DENND1A: variants seen among roughly 807,000 people sequenced by gnomAD.
DENND1A encodes the protein DENN domain containing 1A, also known as DENN domain-containing protein 1A.
A neutral mutation model predicts 113.7 loss-of-function variants in DENND1A; 51 were observed. That is an observed-to-expected ratio of 0.45 (90% CI 0.36 to 0.57). The LOEUF (loss-of-function observed/expected upper bound fraction) is 0.57, where lower values mean the gene tolerates loss of function less well. Among genes scored for constraint, DENND1A ranks in the 20% least tolerant of loss-of-function variants. The pLI, the probability that DENND1A is intolerant of heterozygous loss-of-function variation, is 0.00. For missense variants in DENND1A, 1,258 were observed against 1,395.9 expected, an observed-to-expected ratio of 0.90 and a Z score of 1.57; for synonymous variants, 565 against 570.8, an observed-to-expected ratio of 0.99 and a Z score of 0.14.
At chr9:123,644,430 A>G (rs2062198569) in intron 9 of DENND1A, among the ~76,000 whole-genome samples, 1 of 134,852 alleles carries the variant, frequency 7.4e-6, no homozygotes, top group Non-Finnish European at 1.6e-5. Flanking sequence ...ATCAGGTCTT[A>G]TTTTTCACCC....
At chr9:123,737,047 T>A (rs2130987659) in intron 5 of DENND1A, among the ~76,000 whole-genome samples, 1 of 152,362 alleles carries the variant, frequency 6.6e-6, no homozygotes, top group East Asian at 1.9e-4. Flanking sequence ...TCCATTGAAG[T>A]CAATGAGGTG....
intron 8 of DENND1A, among the ~76,000 whole-genome samples, chr9:123,655,265 G>A (rs190651033): frequency 6.6e-6 from 1 of 152,298 alleles, no homozygotes; most frequent in East Asian, 1.9e-4. Context: ...GTTAGGTGAA[G>A]CTGCTTCTCC....
At chr9:123,588,346 C>T (rs559533247) in intron 11 of DENND1A, among the ~76,000 whole-genome samples, 25 of 146,408 alleles carry the variant, frequency 1.7e-4, no homozygotes, top group Non-Finnish European at 3.6e-4. Flanking sequence ...AGGCTGGGCA[C>T]GATGGCTCAC....
At chr9:123,741,365 C>A (rs1406876260) in intron 5 of DENND1A, among the ~76,000 whole-genome samples, 1 of 152,184 alleles carries the variant, frequency 6.6e-6, no homozygotes, top group Non-Finnish European at 1.5e-5. Context: ...ACTAAGCTAG[C>A]TTCCCTACCC....
In DENND1A at chr9:123,478,060, C is replaced by T. The variant is rs552313763; in HGVS notation, c.994-20163G>A. ...CCAAGGCATTTGCTGGTCAGGGTCCCAGATTCTGAGTTTCTAGAACCTGGA... is the reference window on the plus strand; with the variant it reads ...CCAAGGCATTTGCTGGTCAGGGTCCTAGATTCTGAGTTTCTAGAACCTGGA... On this transcript the variant is annotated intron_variant, in intron 13 of 23. Transcript: ENST00000394215. Among the ~76,000 whole-genome samples, 16 of 152,322 alleles carry T rather than the reference C, an allele frequency of 1.1e-4. No individual in the cohort carries two copies. The South Asian group carries it at 1.4e-3, about 14-fold the overall frequency.
chr9:123,608,148 G>A (rs1249762923), intron 11 of DENND1A, among the ~76,000 whole-genome samples: 1 of 152,186 alleles, frequency 6.6e-6, no homozygotes, highest in African/African-American at 2.4e-5. Flanking sequence ...TGATGACAAG[G>A]AGGAACTGTT....
intron 2 of DENND1A, among the ~76,000 whole-genome samples, chr9:123,840,860 G>C (rs1262729185): frequency 6.6e-6 from 1 of 152,102 alleles, no homozygotes; most frequent in Non-Finnish European, 1.5e-5. Flanking sequence ...TGCCTACACA[G>C]GTATAAATAT....
chr9:123,892,098 G>C (rs1437327750), intron 1 of DENND1A, among the ~76,000 whole-genome samples: 1 of 152,182 alleles, frequency 6.6e-6, no homozygotes, highest in African/African-American at 2.4e-5. Context: ...ATCTGCAAGA[G>C]CCCCCTCAAG....
At chr9:123,598,709 C>T (rs1476650976) in intron 11 of DENND1A, among the ~76,000 whole-genome samples, 1 of 151,866 alleles carries the variant, frequency 6.6e-6, no homozygotes, top group Admixed American at 6.6e-5. Flanking sequence ...TTTTTTCCCC[C>T]TTCTTCTAAA....
At chr9:123,503,140 C>T (rs190287484) in intron 13 of DENND1A, among the ~76,000 whole-genome samples, 20 of 152,278 alleles carry the variant, frequency 1.3e-4, no homozygotes, top group African/African-American at 4.6e-4. Flanking sequence ...TGGAGGTTAT[C>T]TACGGCATGC....
At chr9:123,815,133 A>C (rs1837237848) in intron 2 of DENND1A, among the ~76,000 whole-genome samples, 1 of 152,234 alleles carries the variant, frequency 6.6e-6, no homozygotes, top group African/African-American at 2.4e-5. Flanking sequence ...GGGTGGAAAT[A>C]AAACAGTACC....
intron 2 of DENND1A, among the ~76,000 whole-genome samples, chr9:123,828,946 C>G (rs559905048): frequency 6.6e-6 from 1 of 152,022 alleles, no homozygotes; most frequent in Non-Finnish European, 1.5e-5. Flanking sequence ...CAAAATTGAA[C>G]AGTATAGAGA....
In DENND1A at chr9:123,706,946, A is replaced by C. The variant is rs542913364; in HGVS notation, c.303-30157T>G. ...TGAATTTTGGATGTGTTATATAAAAATGCCTATCAGATAGCCAAGAGAAGG... is the reference window on the plus strand; with the variant it reads ...TGAATTTTGGATGTGTTATATAAAACTGCCTATCAGATAGCCAAGAGAAGG... On this transcript the variant is annotated intron_variant, in intron 5 of 23. Transcript: ENST00000394215. 3.9e-5 allele frequency among the ~76,000 whole-genome samples: 6 copies of C among 152,290 alleles called. No individual in the cohort carries two copies. The East Asian group carries it at 7.7e-4, about 20-fold the overall frequency.
At chr9:123,517,514 G>C (rs1266912868) in intron 13 of DENND1A, among the ~76,000 whole-genome samples, 3 of 151,790 alleles carry the variant, frequency 2.0e-5, no homozygotes, top group Non-Finnish European at 4.4e-5. Context: ...AGTTATTTGG[G>C]AGGCTGAGAC....
At chr9:123,845,670 CA>C (rs555731367) in intron 2 of DENND1A, among the ~76,000 whole-genome samples, 509 of 44,064 alleles carry the variant, frequency 0.012, 1 homozygote, top group Middle Eastern at 0.11. Flanking sequence ...AACCTGTCTC[CA>C]AAAAAAAAAA....
At chr9:123,794,969 A>G (rs1450685202) in intron 2 of DENND1A, among the ~76,000 whole-genome samples, 1 of 152,186 alleles carries the variant, frequency 6.6e-6, no homozygotes, top group Non-Finnish European at 1.5e-5. Flanking sequence ...AGATTCCTTC[A>G]ATTGTCCTAA....
At chr9:123,869,618 G>C (rs1043086110) in intron 2 of DENND1A, among the ~76,000 whole-genome samples, 1 of 152,176 alleles carries the variant, frequency 6.6e-6, no homozygotes, top group Admixed American at 6.5e-5. Flanking sequence ...AGCATGTCAA[G>C]TACTCAGAGC....
intron 21 of DENND1A, among the ~76,000 whole-genome samples, chr9:123,398,253 C>A (rs1039430431): frequency 2.6e-5 from 4 of 152,228 alleles, no homozygotes; most frequent in Admixed American, 1.3e-4. Context: ...GAGAGATGCA[C>A]CCCGGGATCA....
intron 23 of DENND1A, 76 bp downstream of exon 23, chr9:123,383,579 C>T (rs1490417244): frequency 3.2e-6 from 5 of 1,545,974 alleles, no homozygotes; most frequent in Middle Eastern, 2.1e-4. Context: ...GTCTCTTCCA[C>T]TGTCACATGG....
Sources: allele counts gnomAD v4.1 joint callset (sites outside exome capture counted in the v4.1 genomes callset), GRCh38; gene constraint gnomAD v4.1.1; transcripts MANE v1.5; gene names NCBI Gene and HGNC (gene_info 2026-07-23, HGNC 2026-07-21).